Variants in SLC41A2 observed in about 807,000 individuals in gnomAD.
SLC41A2 encodes the protein solute carrier family 41 member 2.
A neutral mutation model predicts 58.3 loss-of-function variants in SLC41A2; 32 were observed. The observed-to-expected ratio is 0.55, with a 90% CI of 0.41 to 0.74. The LOEUF (loss-of-function observed/expected upper bound fraction) is 0.74. Ranked by LOEUF, SLC41A2 falls within the 30% of genes least tolerant of loss-of-function variation. SLC41A2 has a pLI of 0.00. For missense variants in SLC41A2, 514 were observed against 680.6 expected (o/e 0.76, Z 2.72); for synonymous variants, 190 against 235.0 (o/e 0.81, Z 1.75).
intron 4 of SLC41A2, among the ~76,000 whole-genome samples, chr12:104,894,865 G>A (rs571732595): frequency 1.3e-5 from 2 of 151,980 alleles, no homozygotes; most frequent in East Asian, 3.9e-4. Context: ...AACAAATTAA[G>A]GAAAACAAAC....
intron 10 of SLC41A2, among the ~76,000 whole-genome samples, chr12:104,811,616 G>T (rs2041177575): frequency 6.6e-6 from 1 of 152,124 alleles, no homozygotes; most frequent in South Asian, 2.1e-4. Context: ...TGAAATATTT[G>T]CTTCGGATCA....
At chr12:104,945,861 GAATA>G (rs1180323133) in intron 1 of SLC41A2, among the ~76,000 whole-genome samples, 4 of 152,072 alleles carry the variant, frequency 2.6e-5, no homozygotes, top group Non-Finnish European at 5.9e-5. Flanking sequence ...ACACACTTGT[GAATA>G]AATAACTACA....
rs202206650 is a variant in SLC41A2, at chr12:104,819,881, GT to G, written c.1537-14545del. 4.6e-5 allele frequency among the ~76,000 whole-genome samples: 7 copies of G among 152,328 alleles called. No individual in the cohort carries two copies. The East Asian group carries it at 1.2e-3, about 25-fold the overall frequency. Reference sequence around the variant, plus strand: ...GCTGTGGAGTCTTTAGTAGGTATGAGTTTTCACAAGAGCTGACTGGATTCTG... The same window carrying G: ...GCTGTGGAGTCTTTAGTAGGTATGAGTTTCACAAGAGCTGACTGGATTCTG... On this transcript the variant is annotated intron_variant, in intron 10 of 10. Coordinates refer to ENST00000258538, the MANE Select transcript of SLC41A2 (RefSeq NM_001352171.3).
At chr12:104,944,830 T>C (rs1338406859) in intron 1 of SLC41A2, among the ~76,000 whole-genome samples, 3 of 151,924 alleles carry the variant, frequency 2.0e-5, no homozygotes, top group Non-Finnish European at 2.9e-5. Context: ...TTCTCTTCTA[T>C]TGTTTTAATT....
chr12:104,951,069 G>A (rs2047933363), intron 1 of SLC41A2, among the ~76,000 whole-genome samples: 1 of 152,112 alleles, frequency 6.6e-6, no homozygotes, highest in Admixed American at 6.5e-5. Context: ...GTAATTAACA[G>A]GAAGAAACTA....
At chr12:104,843,607 C>T (rs2042495955) in intron 10 of SLC41A2, among the ~76,000 whole-genome samples, 1 of 152,060 alleles carries the variant, frequency 6.6e-6, no homozygotes, top group South Asian at 2.1e-4. Context: ...TTAGATTATG[C>T]AGCTCTCTCA....
At chr12:104,878,821 T>C (rs183342715) in intron 6 of SLC41A2, among the ~76,000 whole-genome samples, 4 of 152,374 alleles carry the variant, frequency 2.6e-5, no homozygotes, top group African/African-American at 9.6e-5. Flanking sequence ...CCTTTGGGTA[T>C]ATACCCAGTA....
At chr12:104,881,801 G>A (rs988516736) in intron 6 of SLC41A2, among the ~76,000 whole-genome samples, 1 of 152,190 alleles carries the variant, frequency 6.6e-6, no homozygotes, top group Non-Finnish European at 1.5e-5. Context: ...GTTGATTTGG[G>A]GTGGAGAGGT....
chr12:104,957,494 G>A (rs1473799383), intron 1 of SLC41A2, among the ~76,000 whole-genome samples: 1 of 152,110 alleles, frequency 6.6e-6, no homozygotes, highest in Non-Finnish European at 1.5e-5. Context: ...TTAGAAGAAT[G>A]AGTTTTATGG....
At chr12:104,853,926 T>TTATTTA (rs2042916495) in intron 8 of SLC41A2, among the ~76,000 whole-genome samples, 8 of 118,850 alleles carry the variant, frequency 6.7e-5, no homozygotes, top group African/African-American at 2.5e-4. Context: ...TTTTTTTTTT[T>TTATTTA]TTTTTTTTTT....
intron 10 of SLC41A2, among the ~76,000 whole-genome samples, chr12:104,836,607 C>T (rs1338820826): frequency 3.9e-5 from 6 of 152,142 alleles, no homozygotes; most frequent in African/African-American, 1.2e-4. Flanking sequence ...GGTGAATATA[C>T]ACTTTCTAGG....
intron 3 of SLC41A2, among the ~76,000 whole-genome samples, chr12:104,906,947 T>A (rs2045878279): frequency 6.6e-6 from 1 of 152,222 alleles, no homozygotes; most frequent in Non-Finnish European, 1.5e-5. Flanking sequence ...GACCACGTTG[T>A]GTAAAATAGC....
chr12:104,844,285 A>T (rs1424782155), intron 10 of SLC41A2, among the ~76,000 whole-genome samples, 187 bp downstream of exon 10: 1 of 152,194 alleles, frequency 6.6e-6, no homozygotes, highest in Admixed American at 6.5e-5. Context: ...GTTTACATGA[A>T]CCTAATAATA....
At chr12:104,867,981 T>C (rs2043557194) in intron 6 of SLC41A2, among the ~76,000 whole-genome samples, 1 of 151,962 alleles carries the variant, frequency 6.6e-6, no homozygotes, top group African/African-American at 2.4e-5. Flanking sequence ...AAAATATAGC[T>C]AAACAAATTT....
At chr12:104,859,345 A>C (rs552032023) in intron 8 of SLC41A2, among the ~76,000 whole-genome samples, 5 of 152,358 alleles carry the variant, frequency 3.3e-5, no homozygotes, top group African/African-American at 1.2e-4. Flanking sequence ...AGTGACACTT[A>C]ATTTGCCTCA....
Position 104,821,068 on chromosome 12 carries a change from G to A in SLC41A2, c.1537-15731C>T, listed in dbSNP as rs116499014. ...TACAAGAACTTTCAGTGAACAATGT[G>A]TACAGTTTCTGTGATTCTTTTCTTT... is the stretch of plus-strand genomic sequence containing the variant. On this transcript the variant is annotated intron_variant, in intron 10 of 10. Transcript: ENST00000258538. Among the ~76,000 whole-genome samples, 164 of 152,242 alleles carry A rather than the reference G, an allele frequency of 1.1e-3. 1 individual carries two copies. The highest frequency in any genetic ancestry group is 3.8e-3 in the African/African-American group (158 of 41,538).
chr12:104,815,330 T>C (rs936607844), intron 10 of SLC41A2, among the ~76,000 whole-genome samples: 1 of 152,264 alleles, frequency 6.6e-6, no homozygotes, highest in Admixed American at 6.5e-5. Flanking sequence ...TTATATCATC[T>C]GTTTGTTCTT....
At chr12:104,844,152 A>G (rs1255923444) in intron 10 of SLC41A2, among the ~76,000 whole-genome samples, 1 of 152,206 alleles carries the variant, frequency 6.6e-6, no homozygotes, top group Non-Finnish European at 1.5e-5. Context: ...GGTAAAAATT[A>G]AAGATGGGTT....
At chr12:104,813,666 C>T (rs1157561305) in intron 10 of SLC41A2, among the ~76,000 whole-genome samples, 2 of 152,200 alleles carry the variant, frequency 1.3e-5, no homozygotes, top group East Asian at 1.9e-4. Flanking sequence ...GATAGAGTCT[C>T]GTTCTGTTGT....
Sources: allele counts gnomAD v4.1 joint callset (sites outside exome capture counted in the v4.1 genomes callset), GRCh38; gene constraint gnomAD v4.1.1; transcripts MANE v1.5; gene names NCBI Gene and HGNC (gene_info 2026-07-23, HGNC 2026-07-21).